Variants in SEC61A1 observed in about 807,000 individuals in gnomAD.
SEC61A1 encodes the protein SEC61 translocon subunit alpha 1, also known as protein transport protein Sec61 subunit alpha isoform 1.
SEC61A1 carries 15 observed loss-of-function variants against 55.2 expected under a neutral mutation model. The observed-to-expected ratio is 0.27, with a 90% CI of 0.18 to 0.42. SEC61A1 has a LOEUF of 0.42. Among genes scored for constraint, SEC61A1 ranks in the 10% least tolerant of loss-of-function variants. The pLI, the probability that SEC61A1 is intolerant of heterozygous loss-of-function variation, is 1.00. For missense variants in SEC61A1, 284 were observed against 602.6 expected (o/e 0.47, Z 5.53); for synonymous variants, 247 against 234.0 (o/e 1.06, Z -0.51).
At chr3:128,065,980 G>A (rs892886999) in intron 8 of SEC61A1, among the ~76,000 whole-genome samples, 3 of 151,888 alleles carry the variant, frequency 2.0e-5, no homozygotes, top group African/African-American at 4.8e-5. Context: ...CTGACCTCGT[G>A]ATCCGCCCGC....
rs375043578 is a variant in SEC61A1 at position 128,052,923 on chromosome 3, A to G, written c.75+21A>G. ...GGAAGGTAAGTACCCCAAATCGCCA[A>G]CAAAGAAGGTTTCAGGAAACTGTCT... On this transcript the variant is annotated intron_variant, in intron 2 of 11. Transcript: ENST00000243253. The G allele has an allele frequency of 7.5e-6, 12 of 1,597,786 alleles. No homozygotes were observed. In the South Asian group the frequency reaches 1.0e-4, roughly 13 times the overall value.
At chr3:128,069,224 A>G (rs1178697528) in intron 11 of SEC61A1, among the ~76,000 whole-genome samples, 1 of 152,254 alleles carries the variant, frequency 6.6e-6, no homozygotes, top group Non-Finnish European at 1.5e-5. Flanking sequence ...CTTGTCTTCA[A>G]ATCTCCAAAA....
intron 1 of SEC61A1, 70 bp from the exon 2 acceptor site, chr3:128,052,765 C>T: frequency 6.6e-7 from 1 of 1,524,428 alleles, no homozygotes; most frequent in South Asian, 1.1e-5. Context: ...GGGCAGAAGG[C>T]GTCCCTGGGT....
Position 128,064,957 on chromosome 3 carries a change from G to A in SEC61A1, c.697G>A (p.Ala233Thr). 6.2e-7 allele frequency: 1 copy of A among 1,614,218 alleles called. No homozygotes were observed. Among genetic ancestry groups the A allele is most frequent in the Non-Finnish European group, 8.5e-7 (1 of 1,180,032 alleles). ...RTDKVRALRE[A>T]FYRQNLPNLM... is the part of the protein sequence containing the mutation. ...AGACAAGGTCCGAGCCCTTCGGGAG[G>A]CGTTCTACCGCCAGAATCTTCCCAA... Residue 233 changes from alanine (A) to threonine (T), a missense_variant, in exon 8 of 12, where the codon GCG becomes ACG. Coordinates refer to ENST00000243253, the MANE Select transcript of SEC61A1 (RefSeq NM_013336.4).
rs1186932514 is a variant in SEC61A1 at position 128,056,911 on chromosome 3, A to T, written c.352+71A>T. On this transcript the variant is annotated intron_variant, in intron 5 of 11. Coordinates refer to ENST00000243253, the MANE Select transcript of SEC61A1 (RefSeq NM_013336.4). ...GAATTTGCTATAAGATTTTGGTATCAGTTTTTCTTTTTTTATTTATTTTTT... is the reference window on the plus strand; with the variant it reads ...GAATTTGCTATAAGATTTTGGTATCTGTTTTTCTTTTTTTATTTATTTTTT... 3.3e-6 allele frequency: 4 copies of T among 1,224,836 alleles called. No homozygotes were observed. In the Admixed American group the frequency reaches 8.9e-5, roughly 27 times the overall value. The allele number at this position is 1,224,836 out of a possible 1,614,324, so 75.9% of individuals were successfully genotyped here. A position where few individuals can be genotyped will look rare whatever the true frequency, so the allele number is the denominator to read the frequency against.
intron 8 of SEC61A1, among the ~76,000 whole-genome samples, chr3:128,065,413 C>T (rs1941937038): frequency 6.6e-6 from 1 of 152,156 alleles, no homozygotes. Context: ...TTCTGCATCT[C>T]GGAAACGGCC....
At chr3:128,054,968 C>A (rs1397308777) in intron 2 of SEC61A1, among the ~76,000 whole-genome samples, 2 of 152,234 alleles carry the variant, frequency 1.3e-5, no homozygotes, top group African/African-American at 2.4e-5. Context: ...GTTAAACATG[C>A]AACTCTCCTG....
chr3:128,062,300 CAG>C (rs900138948), intron 7 of SEC61A1, among the ~76,000 whole-genome samples: 6 of 152,204 alleles, frequency 3.9e-5, no homozygotes, highest in Non-Finnish European at 8.8e-5. Flanking sequence ...GAGAGCCACA[CAG>C]AGGGCACAGC....
chr3:128,052,711 C>A (rs1941707515), intron 1 of SEC61A1, 124 bp from the exon 2 acceptor site: 3 of 1,501,548 alleles, frequency 2.0e-6, no homozygotes, highest in Admixed American at 4.0e-5. Context: ...CCCCACGCGT[C>A]CGGGGTGCGG....
chr3:128,064,572 G>A (rs1941904923), intron 7 of SEC61A1, among the ~76,000 whole-genome samples: 1 of 152,178 alleles, frequency 6.6e-6, no homozygotes, highest in Non-Finnish European at 1.5e-5. Context: ...AGCCCAGGAG[G>A]AGAAGGTTGA....
rs57508280 is a variant in SEC61A1 at position 128,058,201 on chromosome 3, A to ATTTT, written c.352+1383_352+1386dup. ...GGATAATTGAATGAGAAATACGTCT[A>ATTTT]TTTTTTTTTTTTTTTTTTTTTTTTT... On this transcript the variant is annotated intron_variant, in intron 5 of 11. Transcript: ENST00000243253. Among the ~76,000 whole-genome samples, 649 of 79,390 alleles carry ATTTT rather than the reference A, an allele frequency of 8.2e-3. 29 individuals are homozygous for ATTTT. The highest frequency in any genetic ancestry group is 9.0e-3 in the East Asian group (22 of 2,444). The allele number at this position is 79,390 out of a possible 152,430, so 52.1% of individuals were successfully genotyped here. A position where few individuals can be genotyped will look rare whatever the true frequency, so the allele number is the denominator to read the frequency against.
intron 7 of SEC61A1, 167 bp from the exon 8 acceptor site, chr3:128,064,710 G>A: frequency 1.6e-6 from 1 of 615,578 alleles, no homozygotes; most frequent in South Asian, 2.1e-5. Context: ...CTCTACAGAA[G>A]AGAAGGGAGG....
At position 128,067,136 on chromosome 3, in the gene SEC61A1, G is replaced by T. The variant is rs149610346; in HGVS notation, c.960G>T (p.Leu320=). 362 of 1,614,100 alleles carry T rather than the reference G, an allele frequency of 2.2e-4. No homozygotes were observed. The highest frequency in any genetic ancestry group is 2.9e-4 in the Non-Finnish European group (347 of 1,180,048). The change falls in exon 9 of 12, where the codon CTG becomes CTT. Residue 320 remains leucine, a synonymous_variant. Transcript: ENST00000243253. The surrounding 1 kb of genome is among the most constrained non-coding windows in gnomAD (Gnocchi z 4.1). The part of the protein sequence containing the change: ...ARFSGNLLVS[L]LGTWSDTSSG... ...TCAGTGGCAACTTGCTGGTCAGCCTGCTGGGCACCTGGTCGGTAAGTAGGC... is the reference window on the plus strand; with the variant it reads ...TCAGTGGCAACTTGCTGGTCAGCCTTCTGGGCACCTGGTCGGTAAGTAGGC...
intron 7 of SEC61A1, among the ~76,000 whole-genome samples, chr3:128,062,354 T>C (rs1941864245): frequency 6.6e-6 from 1 of 152,208 alleles, no homozygotes; most frequent in South Asian, 2.1e-4. Context: ...ATGTTGCAGC[T>C]TGGCTTGGGA....
intron 1 of SEC61A1, 57 bp downstream of exon 1, chr3:128,052,616 A>T: frequency 1.3e-6 from 2 of 1,566,732 alleles, no homozygotes; most frequent in South Asian, 2.3e-5. Context: ...CCCCTTCCCC[A>T]CACCCGTGCG....
intron 5 of SEC61A1, among the ~76,000 whole-genome samples, chr3:128,059,647 G>A (rs559804285): frequency 6.6e-6 from 1 of 152,240 alleles, no homozygotes; most frequent in East Asian, 1.9e-4. Flanking sequence ...ACCCAGACCT[G>A]GATGGTGAGC....
rs932624692 is a variant in SEC61A1 at position 128,067,847 on chromosome 3, T to C, written c.1168-136T>C. 2.6e-5 allele frequency: 20 copies of C among 766,204 alleles called. No homozygotes were observed. The African/African-American group carries it at 3.5e-4, about 13-fold the overall frequency. The allele number at this position is 766,204 out of a possible 1,614,324, so 47.5% of individuals were successfully genotyped here. A position where few individuals can be genotyped will look rare whatever the true frequency, so the allele number is the denominator to read the frequency against. On this transcript the variant is annotated intron_variant, in intron 10 of 11. Coordinates refer to ENST00000243253, the MANE Select transcript of SEC61A1 (RefSeq NM_013336.4). The surrounding 1 kb of genome is among the most constrained non-coding windows in gnomAD (Gnocchi z 4.1). ...GTTAGACTTTTTCATATGACTTCCT[T>C]GCGGCAGTTTTAAAGTTCTCTGTAT...
Position 128,070,495 on chromosome 3 carries a change from C to T in SEC61A1, c.*833C>T, listed in dbSNP as rs1217397100. 6.6e-6 allele frequency: 1 copy of T among 152,258 alleles called. No individual in the cohort carries two copies. The highest frequency in any genetic ancestry group is 2.4e-5 in the African/African-American group (1 of 41,456). 9.4% of individuals were successfully genotyped at this position (152,258 alleles called of 1,614,324 possible). ...ACTGGACACGTCTCCTCGCAGCTGC[C>T]CTAGCAAGGGGAGACATTGTGGTAG... On this transcript the variant is annotated 3_prime_UTR_variant, in exon 12 of 12. Coordinates refer to ENST00000243253, the MANE Select transcript of SEC61A1 (RefSeq NM_013336.4).
rs1942149584 is a variant in SEC61A1, at chr3:128,070,977, C to T, written c.*1315C>T. 6.6e-6 allele frequency: 1 copy of T among 152,306 alleles called. No homozygotes were observed. The highest frequency in any genetic ancestry group is 1.5e-5 in the Non-Finnish European group (1 of 68,132). The allele number at this position is 152,306 out of a possible 1,614,324, so 9.4% of individuals were successfully genotyped here. On this transcript the variant is annotated 3_prime_UTR_variant, in exon 12 of 12. Transcript: ENST00000243253. ...GAGCTGGCTTTAGACATTGGTGGGA[C>T]CAAGGATGTTTTGCAGGATGCCCTG...
Sources: allele counts gnomAD v4.1 joint callset (sites outside exome capture counted in the v4.1 genomes callset), GRCh38; gene constraint gnomAD v4.1.1; non-coding constraint Gnocchi (gnomAD v3.1); transcripts MANE v1.5; gene names NCBI Gene and HGNC (gene_info 2026-07-23, HGNC 2026-07-21).